The following FRMD5 variants were observed in gnomAD, a reference collection of about 807,000 sequenced individuals.
FRMD5 encodes FERM domain-containing protein 5.
Under a neutral mutation model 69.0 loss-of-function variants are expected in FRMD5, and 20 were observed. The observed-to-expected ratio is 0.29, with a 90% confidence interval of 0.20 to 0.42. The LOEUF (loss-of-function observed/expected upper bound fraction) is 0.42. Among genes scored for constraint, FRMD5 ranks in the 10% least tolerant of loss-of-function variants. The probability of loss-of-function intolerance (pLI) is 1.00; values close to 1 mark genes in which losing one functional copy is unlikely to be tolerated. For synonymous variants in FRMD5, 271 were observed against 260.1 expected (o/e 1.04, Z -0.40); for missense variants, 595 against 708.6 (o/e 0.84, Z 1.82).
chr15:44,189,874 CAT>C (rs1375193442), intron 1 of FRMD5, among the ~76,000 whole-genome samples: 1 of 152,140 alleles, frequency 6.6e-6, no homozygotes, highest in Admixed American at 6.5e-5. Flanking sequence ...CTAGGATAGA[CAT>C]ATGAATTGGC....
intron 1 of FRMD5, among the ~76,000 whole-genome samples, chr15:44,067,055 G>A (rs1319057445): frequency 6.6e-6 from 1 of 152,100 alleles, no homozygotes; most frequent in African/African-American, 2.4e-5. Context: ...AATGGACCAG[G>A]TGGAGGTATT....
intron 1 of FRMD5, among the ~76,000 whole-genome samples, chr15:44,098,121 A>AAAAAAAAC (rs1376919993): frequency 3.8e-4 from 1 of 2,600 alleles, no homozygotes; most frequent in African/African-American, 4.4e-4. Context: ...AAAACAAAAA[A>AAAAAAAAC]AAAAAAACTA....
intron 1 of FRMD5, among the ~76,000 whole-genome samples, chr15:44,071,209 C>T (rs529456462): frequency 2.8e-4 from 43 of 152,284 alleles, no homozygotes; most frequent in African/African-American, 1.0e-3. Context: ...TCCCCACATC[C>T]ACTTGGTGCC....
intron 1 of FRMD5, among the ~76,000 whole-genome samples, chr15:44,121,343 A>AG (rs1340474220): frequency 6.6e-6 from 1 of 152,066 alleles, no homozygotes; most frequent in Non-Finnish European, 1.5e-5. Context: ...GAAAACAGCA[A>AG]GATATCCTTC....
Position 43,888,165 on chromosome 15 carries a change from A to G in FRMD5, c.884+10T>C, listed in dbSNP as rs1220514123. On this transcript the variant is annotated intron_variant, in intron 10 of 13. Transcript: ENST00000417257. ...AAGAAAGACAGTCCCCATCACATGT[A>G]TCCACTCACTTGTAGAAGGCTTGGT... 3 of 1,596,990 alleles carry G rather than the reference A, an allele frequency of 1.9e-6. No individual in the cohort carries two copies. Among genetic ancestry groups the G allele is most frequent in the Non-Finnish European group, 2.6e-6 (3 of 1,164,602 alleles).
At chr15:43,958,180 C>G (rs966097509) in intron 1 of FRMD5, among the ~76,000 whole-genome samples, 1 of 152,104 alleles carries the variant, frequency 6.6e-6, no homozygotes, top group Non-Finnish European at 1.5e-5. Flanking sequence ...TGTGCATACA[C>G]TAGGACCCAG....
At chr15:44,140,277 T>C (rs2077249328) in intron 1 of FRMD5, among the ~76,000 whole-genome samples, 1 of 151,822 alleles carries the variant, frequency 6.6e-6, no homozygotes, top group African/African-American at 2.4e-5. Flanking sequence ...TAAACAGAAA[T>C]AATCATATAT....
At chr15:44,132,424 A>ATG (rs763058499) in intron 1 of FRMD5, among the ~76,000 whole-genome samples, 1 of 152,052 alleles carries the variant, frequency 6.6e-6, no homozygotes, top group African/African-American at 2.4e-5. Context: ...TACATTATGA[A>ATG]TGTGTGTGTG....
intron 1 of FRMD5, among the ~76,000 whole-genome samples, chr15:43,982,176 T>C (rs1390590209): frequency 1.3e-5 from 2 of 152,236 alleles, no homozygotes; most frequent in Non-Finnish European, 2.9e-5. Flanking sequence ...AAGGTCCTTA[T>C]GATTCCCTGA....
rs373102413 is a variant in FRMD5, at chr15:43,875,364, ATATAT to A, written c.1136-907_1136-903del. Among the ~76,000 whole-genome samples, 233 of 76,186 alleles carry A rather than the reference ATATAT, an allele frequency of 3.1e-3. 1 individual carries two copies. Among genetic ancestry groups the A allele is most frequent in the African/African-American group, 9.5e-3 (183 of 19,220 alleles). 50.0% of individuals were successfully genotyped at this position (76,186 alleles called of 152,430 possible). Reference sequence around the variant, plus strand: ...AGACTGTCTCAAAAAAAAAAAAAAAATATATATATATATATATATATATATATATG... The same window carrying A: ...AGACTGTCTCAAAAAAAAAAAAAAAAATATATATATATATATATATATATG... On this transcript the variant is annotated intron_variant, in intron 13 of 13. Transcript: ENST00000417257.
At chr15:44,171,785 ACAGAGTCT>A (rs1223556252) in intron 1 of FRMD5, among the ~76,000 whole-genome samples, 10 of 152,138 alleles carry the variant, frequency 6.6e-5, no homozygotes, top group African/African-American at 2.4e-4. Context: ...GGCTTTTGAG[ACAGAGTCT>A]CGCTCTGTCA....
chr15:44,129,168 T>G (rs1298846751), intron 1 of FRMD5, among the ~76,000 whole-genome samples: 2 of 152,138 alleles, frequency 1.3e-5, no homozygotes, highest in Non-Finnish European at 2.9e-5. Context: ...AAAGCTCTTA[T>G]GATTCCCCAA....
intron 1 of FRMD5, among the ~76,000 whole-genome samples, chr15:44,137,554 T>C (rs112872423): frequency 6.4e-4 from 98 of 152,296 alleles, no homozygotes; most frequent in South Asian, 6.2e-4. Flanking sequence ...GCCTAACTAG[T>C]ACTTTTTACT....
At chr15:44,034,977 T>C (rs1234014275) in intron 1 of FRMD5, among the ~76,000 whole-genome samples, 1 of 152,222 alleles carries the variant, frequency 6.6e-6, no homozygotes, top group African/African-American at 2.4e-5. Context: ...AAACAGTGAA[T>C]GTTCCTTGCT....
intron 1 of FRMD5, among the ~76,000 whole-genome samples, chr15:44,059,285 C>A (rs1036711104): frequency 2.6e-5 from 4 of 151,972 alleles, no homozygotes; most frequent in Middle Eastern, 6.8e-3. Flanking sequence ...TTTCAAAGAG[C>A]CTTTAAGGGA....
intron 8 of FRMD5, among the ~76,000 whole-genome samples, chr15:43,890,390 A>G (rs7171734): frequency 0.033 from 5,075 of 152,228 alleles, 289 homozygotes; most frequent in African/African-American, 0.12. Context: ...GGTTTCTGGA[A>G]GGGTGGGTAT....
intron 1 of FRMD5, among the ~76,000 whole-genome samples, chr15:44,072,148 G>C (rs892009803): frequency 5.3e-5 from 8 of 152,204 alleles, no homozygotes; most frequent in Non-Finnish European, 1.2e-4. Flanking sequence ...TTACAGGTGT[G>C]AGCCACCCCA....
intron 1 of FRMD5, among the ~76,000 whole-genome samples, chr15:44,035,392 T>A (rs548622812): frequency 1.8e-4 from 28 of 152,192 alleles, no homozygotes; most frequent in Non-Finnish European, 2.8e-4. Flanking sequence ...AACATTCTCC[T>A]AAGTGTTACT....
At chr15:44,094,855 TGATA>T (rs2076527814) in intron 1 of FRMD5, among the ~76,000 whole-genome samples, 1 of 152,148 alleles carries the variant, frequency 6.6e-6, no homozygotes. Flanking sequence ...TCAATTGTGC[TGATA>T]GATAGTTTTA....
Sources: gnomAD v4.1 joint callset for allele counts (sites outside exome capture counted in the v4.1 genomes callset) on GRCh38, gnomAD v4.1.1 for gene constraint, MANE v1.5 for transcripts, NCBI Gene and HGNC (gene_info 2026-07-23, HGNC 2026-07-21) for gene names.